Variants in CCND2 observed in about 807,000 individuals in gnomAD.
CCND2 encodes the protein G1/S-specific cyclin-D2.
In CCND2, 6 loss-of-function variants were observed where a neutral mutation model predicts 30.2. That is an observed-to-expected ratio of 0.20 (90% CI 0.11 to 0.39). The LOEUF (loss-of-function observed/expected upper bound fraction) is 0.39, where lower values mean the gene tolerates loss of function less well. CCND2 is among the 10% of genes least tolerant of loss of function. The pLI is 1.00. For synonymous variants in CCND2, 150 were observed against 153.1 expected, an observed-to-expected ratio of 0.98 and a Z score of 0.15; for missense variants, 235 against 373.4, an observed-to-expected ratio of 0.63 and a Z score of 3.06.
intron 4 of CCND2, chr12:4,298,005 T>A: frequency 4.0e-6 from 1 of 249,442 alleles, no homozygotes; most frequent in South Asian, 4.1e-5. Context: ...TGCGAATCTA[T>A]ACCTCATTTC....
Position 4,302,470 on chromosome 12 carries a change from C to A in CCND2, c.*2461C>A. ...CTTGAAGTTTTTCCCCTCCGTCTTT[C>A]CCCTCCCCTGGCATGGACACCTTGT... On this transcript the variant is annotated 3_prime_UTR_variant, in exon 5 of 5. Transcript: ENST00000261254. The A allele has an allele frequency of 4.3e-6, 1 of 233,046 alleles. No homozygotes were observed. The allele number at this position is 233,046 out of a possible 1,614,324, so 14.4% of individuals were successfully genotyped here. A position where few individuals can be genotyped will look rare whatever the true frequency, so the allele number is the denominator to read the frequency against.
At position 4,303,762 on chromosome 12, in the gene CCND2, G is replaced by A. The variant is rs996496946; in HGVS notation, c.*3753G>A. On this transcript the variant is annotated 3_prime_UTR_variant, in exon 5 of 5. Transcript: ENST00000261254. The surrounding 1 kb of genome is among the most constrained non-coding windows in gnomAD (Gnocchi z 4.6). The stretch of plus-strand genomic sequence containing the variant: ...AGGCGAGCTCCTTGAAGAAGGGGCT[G>A]TTCTTCCAGGAGGCCTTATTTTGAA... 5.1e-5 allele frequency: 12 copies of A among 233,380 alleles called. No homozygotes were observed. The highest frequency in any genetic ancestry group is 2.4e-4 in the African/African-American group (11 of 45,336). The allele number at this position is 233,380 out of a possible 1,614,324, so 14.5% of individuals were successfully genotyped here. A position where few individuals can be genotyped will look rare whatever the true frequency, so the allele number is the denominator to read the frequency against.
intron 4 of CCND2, among the ~76,000 whole-genome samples, chr12:4,290,369 C>T (rs1025542080): frequency 6.6e-5 from 10 of 152,206 alleles, no homozygotes; most frequent in African/African-American, 2.4e-4. Context: ...GACTGAAAAC[C>T]TCCCTCCAGT....
chr12:4,284,474 G>A (rs1287872511), intron 3 of CCND2, among the ~76,000 whole-genome samples: 2 of 152,212 alleles, frequency 1.3e-5, no homozygotes, highest in African/African-American at 4.8e-5. Flanking sequence ...CCCTGGGACG[G>A]CCTCTGTTGC....
chr12:4,277,227 T>G (rs903006449), intron 2 of CCND2, among the ~76,000 whole-genome samples: 8 of 152,250 alleles, frequency 5.3e-5, no homozygotes, highest in Non-Finnish European at 1.0e-4. Context: ...GCTTCTGGTT[T>G]GGTCCGAGAG....
chr12:4,280,353 G>GATCA (rs1216463681), intron 3 of CCND2, among the ~76,000 whole-genome samples: 1 of 152,270 alleles, frequency 6.6e-6, no homozygotes, highest in Non-Finnish European at 1.5e-5. Flanking sequence ...TTGCAGGCTT[G>GATCA]AGTGTGGAGT....
At chr12:4,283,451 G>A (rs1427354989) in intron 3 of CCND2, among the ~76,000 whole-genome samples, 1 of 152,188 alleles carries the variant, frequency 6.6e-6, no homozygotes, top group Non-Finnish European at 1.5e-5. Context: ...GAAGAGCTCT[G>A]CATCCAGAGT....
Position 4,275,980 on chromosome 12 carries a change from C to T in CCND2, c.196-25C>T, listed in dbSNP as rs764380553. 5.6e-6 allele frequency: 8 copies of T among 1,436,128 alleles called. No individual in the cohort carries two copies. In the Admixed American group the frequency reaches 9.4e-5, roughly 17 times the overall value. 89.0% of individuals were successfully genotyped at this position (1,436,128 alleles called of 1,614,324 possible). A position where few individuals can be genotyped will look rare whatever the true frequency, so the allele number is the denominator to read the frequency against. On this transcript the variant is annotated intron_variant, in intron 1 of 4. Coordinates refer to ENST00000261254, the MANE Select transcript of CCND2 (RefSeq NM_001759.4). ...TGCTATGCTCTCCACCCCCGCCCCCCAACCCTTTCCCACTCCCATTATAGG... is the reference window on the plus strand; with the variant it reads ...TGCTATGCTCTCCACCCCCGCCCCCTAACCCTTTCCCACTCCCATTATAGG...
chr12:4,295,495 G>C (rs1404881257), intron 4 of CCND2, among the ~76,000 whole-genome samples: 2 of 152,216 alleles, frequency 1.3e-5, no homozygotes, highest in South Asian at 2.1e-4. Flanking sequence ...GAGCTGGCCA[G>C]GCTGGGTGTG....
At position 4,303,242 on chromosome 12, in the gene CCND2, G is replaced by T. The variant is rs1864275195; in HGVS notation, c.*3233G>T. 4.3e-6 allele frequency: 1 copy of T among 233,394 alleles called. No individual in the cohort carries two copies. The highest frequency in any genetic ancestry group is 2.2e-5 in the African/African-American group (1 of 45,452). 14.5% of individuals were successfully genotyped at this position (233,394 alleles called of 1,614,324 possible). A position where few individuals can be genotyped will look rare whatever the true frequency, so the allele number is the denominator to read the frequency against. On this transcript the variant is annotated 3_prime_UTR_variant, in exon 5 of 5. Coordinates refer to ENST00000261254, the MANE Select transcript of CCND2 (RefSeq NM_001759.4). The surrounding 1 kb of genome is among the most constrained non-coding windows in gnomAD (Gnocchi z 4.6). ...CTTGGGGCCTTGTGTGATGATGGGTGTGGGGCTGCCGATGGGAAAGTCGGG... is the reference window on the plus strand; with the variant it reads ...CTTGGGGCCTTGTGTGATGATGGGTTTGGGGCTGCCGATGGGAAAGTCGGG...
At chr12:4,275,879 C>T (rs1863865361) in intron 1 of CCND2, 126 bp from the exon 2 acceptor site, 1 of 600,356 alleles carries the variant, frequency 1.7e-6, no homozygotes. Context: ...CTGGTCCCCT[C>T]CCCCTCCCAC....
In CCND2 at chr12:4,278,165, C is replaced by T. The variant is rs3217803; in HGVS notation, c.412-595C>T. 4.5e-4 allele frequency among the ~76,000 whole-genome samples: 69 copies of T among 152,364 alleles called. No individual in the cohort carries two copies. The East Asian group carries it at 0.013, about 29-fold the overall frequency. On this transcript the variant is annotated intron_variant, in intron 2 of 4. Coordinates refer to ENST00000261254, the MANE Select transcript of CCND2 (RefSeq NM_001759.4). ...ATTTAGGGGAAAGGGCTGAGTGTCA[C>T]ATCCCCAGAATTTCTGCCTGATATG...
At chr12:4,297,744 G>A (rs930820179) in intron 4 of CCND2, 43 of 322,982 alleles carry the variant, frequency 1.3e-4, no homozygotes, top group African/African-American at 6.6e-4. Context: ...GTGATTTATC[G>A]TCATTCATTC....
rs1418962939 is a variant in CCND2, at chr12:4,301,393, G to A, written c.*1384G>A. The A allele has an allele frequency of 1.7e-5, 4 of 228,836 alleles. No homozygotes were observed. The highest frequency in any genetic ancestry group is 5.7e-5 in the Admixed American group (1 of 17,424). 14.2% of individuals were successfully genotyped at this position (228,836 alleles called of 1,614,324 possible). A position where few individuals can be genotyped will look rare whatever the true frequency, so the allele number is the denominator to read the frequency against. ...TTGTTGTTGTTAATTTTATTGCAAA[G>A]TTGTATTCAGCGTACTTGAATTTTT... is the stretch of plus-strand genomic sequence containing the variant. On this transcript the variant is annotated 3_prime_UTR_variant, in exon 5 of 5. Transcript: ENST00000261254.
rs750902886 is a variant in CCND2 at position 4,276,947 on chromosome 12, C to T, written c.411+727C>T. Among the ~76,000 whole-genome samples, 1 of 152,246 alleles carries T rather than the reference C, an allele frequency of 6.6e-6. No homozygotes were observed. The highest frequency in any genetic ancestry group is 1.5e-5 in the Non-Finnish European group (1 of 68,036). The stretch of plus-strand genomic sequence containing the variant: ...ACCGCATGGAATAGCGGCTCCAAGG[C>T]CCACCTTCGGTGGTTTGCACACCCC... On this transcript the variant is annotated intron_variant, in intron 2 of 4. Coordinates refer to ENST00000261254, the MANE Select transcript of CCND2 (RefSeq NM_001759.4). This position sits in a 1 kb window ranked among gnomAD's most constrained non-coding sequence, Gnocchi z 4.8.
At position 4,285,185 on chromosome 12, in the gene CCND2, T is replaced by G. The variant is rs1183893286; in HGVS notation, c.572-3657T>G. The G allele has an allele frequency of 8.7e-6, 5 of 577,664 alleles. No homozygotes were observed. Among genetic ancestry groups the G allele is most frequent in the Non-Finnish European group, 1.1e-5 (5 of 457,808 alleles). The allele number at this position is 577,664 out of a possible 1,614,324, so 35.8% of individuals were successfully genotyped here. The stretch of plus-strand genomic sequence containing the variant: ...ATATTGTACGTTTTGGGGGGAGTCC[T>G]CCATGCTGCCTGGAACAGGGAGGAG... On this transcript the variant is annotated intron_variant, in intron 3 of 4. Transcript: ENST00000261254. The surrounding 1 kb of genome is among the most constrained non-coding windows in gnomAD (Gnocchi z 4.1).
intron 4 of CCND2, among the ~76,000 whole-genome samples, chr12:4,296,705 G>A (rs371216927): frequency 2.0e-4 from 25 of 125,428 alleles, no homozygotes; most frequent in Admixed American, 3.0e-4. Flanking sequence ...GCCTCTTGGG[G>A]AAAAAAAAAA....
chr12:4,280,708 C>A (rs1411972041), intron 3 of CCND2, among the ~76,000 whole-genome samples: 1 of 152,220 alleles, frequency 6.6e-6, no homozygotes, highest in Non-Finnish European at 1.5e-5. Context: ...TCAGCCAGTT[C>A]TTTCTCTCTG....
chr12:4,284,935 C>T (rs1336536117), intron 3 of CCND2, among the ~76,000 whole-genome samples: 3 of 152,044 alleles, frequency 2.0e-5, no homozygotes, highest in African/African-American at 4.8e-5. Flanking sequence ...AGGGTTTCAC[C>T]GTGTTGGCCA....
Sources: gnomAD v4.1 joint callset for allele counts (sites outside exome capture counted in the v4.1 genomes callset) on GRCh38, gnomAD v4.1.1 for gene constraint, Gnocchi (gnomAD v3.1) non-coding constraint, MANE v1.5 for transcripts, NCBI Gene and HGNC (gene_info 2026-07-23, HGNC 2026-07-21) for gene names.